The following SHISA9 variants were observed in gnomAD, a reference collection of about 807,000 sequenced individuals.
SHISA9 encodes shisa family member 9, also known as protein shisa-9.
Under a neutral mutation model 38.0 loss-of-function variants are expected in SHISA9, and 13 were observed. The ratio of observed to expected loss-of-function variants is 0.34; its 90% confidence interval spans 0.22 to 0.54. SHISA9 has a LOEUF of 0.54. Ranked by LOEUF, SHISA9 falls within the 20% of genes least tolerant of loss-of-function variation. SHISA9 has a pLI of 0.91. For missense variants in SHISA9, 538 were observed against 575.8 expected, an observed-to-expected ratio of 0.93 and a Z score of 0.67; for synonymous variants, 275 against 242.0, an observed-to-expected ratio of 1.14 and a Z score of -1.27.
intron 2 of SHISA9, among the ~76,000 whole-genome samples, chr16:13,008,986 T>C (rs1004212273): frequency 2.0e-5 from 3 of 152,066 alleles, no homozygotes; most frequent in African/African-American, 7.3e-5. Flanking sequence ...TTCCAAAGTC[T>C]TTGTCAATCA....
Position 13,053,205 on chromosome 16 carries a change from C to T in SHISA9, c.691+136390C>T, listed in dbSNP as rs376089935. 5.9e-5 allele frequency among the ~76,000 whole-genome samples: 9 copies of T among 152,096 alleles called. No homozygotes were observed. In the South Asian group the frequency reaches 6.2e-4, roughly 11 times the overall value. ...CTCGAACTTCTGACCTCCGGTGATC[C>T]GCCCACCTCGGCCTCCCAAAGTGCT... On this transcript the variant is annotated intron_variant, in intron 2 of 4. Coordinates refer to ENST00000558583, the MANE Select transcript of SHISA9 (RefSeq NM_001145204.3).
chr16:13,134,804 C>T (rs1320012907), intron 2 of SHISA9, among the ~76,000 whole-genome samples: 1 of 152,152 alleles, frequency 6.6e-6, no homozygotes, highest in African/African-American at 2.4e-5. Context: ...TCACATATGT[C>T]ATCGTCCAAT....
intron 2 of SHISA9, among the ~76,000 whole-genome samples, chr16:13,021,150 G>A (rs1461240323): frequency 6.6e-6 from 1 of 152,180 alleles, no homozygotes; most frequent in East Asian, 1.9e-4. Flanking sequence ...CGAAGCGATG[G>A]CTCTCAACCA....
chr16:13,098,319 G>A (rs1384650854), intron 2 of SHISA9, among the ~76,000 whole-genome samples: 2 of 152,178 alleles, frequency 1.3e-5, no homozygotes, highest in Admixed American at 6.5e-5. Context: ...GGGATTCACT[G>A]TGGCCTTTAT....
chr16:12,901,885 C>A lies in SHISA9; in HGVS notation c.-180C>A, dbSNP rs1446326412. ...AGGCGAACGCGGGCTGAGGCGAACG[C>A]GGGCTGAGCCGAGCGCAGTGGCCGC... On this transcript the variant is annotated 5_prime_UTR_variant, in exon 1 of 5. Transcript: ENST00000558583. 10 of 251,786 alleles carry A rather than the reference C, an allele frequency of 4.0e-5. No homozygotes were observed. Among genetic ancestry groups the A allele is most frequent in the Non-Finnish European group, 5.6e-5 (8 of 143,756 alleles). 15.6% of individuals were successfully genotyped at this position (251,786 alleles called of 1,614,324 possible).
At chr16:12,906,998 T>C (rs1336751635) in intron 1 of SHISA9, among the ~76,000 whole-genome samples, 1 of 152,142 alleles carries the variant, frequency 6.6e-6, no homozygotes, top group Non-Finnish European at 1.5e-5. Flanking sequence ...GCTCACACAC[T>C]CTTTCCATAT....
the SHISA9 span, among the ~76,000 whole-genome samples, chr16:13,319,513 CT>C: frequency 6.8e-4 from 104 of 152,156 alleles, 1 homozygote; most frequent in African/African-American, 2.4e-3. Context: ...CTCTTTCCCC[CT>C]GCTTGACATA....
intron 2 of SHISA9, among the ~76,000 whole-genome samples, chr16:13,061,673 A>G (rs1596619873): frequency 6.6e-6 from 1 of 152,168 alleles, no homozygotes; most frequent in Non-Finnish European, 1.5e-5. Context: ...TGCCCTCTGG[A>G]GCTTTGCAAT....
intron 2 of SHISA9, among the ~76,000 whole-genome samples, chr16:13,143,508 A>T (rs1024457738): frequency 6.6e-6 from 1 of 152,184 alleles, no homozygotes; most frequent in South Asian, 2.1e-4. Flanking sequence ...TGGGTCCCCT[A>T]TGGGAAGCTG....
At chr16:13,462,762 G>A in the SHISA9 span, among the ~76,000 whole-genome samples, 1 of 151,960 alleles carries the variant, frequency 6.6e-6, no homozygotes, top group Non-Finnish European at 1.5e-5. Flanking sequence ...AGAAGTTCGA[G>A]ACCAGCCTGG....
the SHISA9 span, among the ~76,000 whole-genome samples, chr16:13,426,686 C>T: frequency 6.6e-6 from 1 of 152,336 alleles, no homozygotes; most frequent in Middle Eastern, 3.4e-3. Context: ...ACATGGCTAA[C>T]TTAATAAAGC....
intron 2 of SHISA9, among the ~76,000 whole-genome samples, chr16:13,008,293 C>T (rs2072623101): frequency 6.6e-6 from 1 of 152,160 alleles, no homozygotes; most frequent in Non-Finnish European, 1.5e-5. Flanking sequence ...TTAATACACT[C>T]TTCCCCGACA....
At chr16:13,221,036 A>G (rs1468603001) in intron 4 of SHISA9, among the ~76,000 whole-genome samples, 1 of 150,846 alleles carries the variant, frequency 6.6e-6, no homozygotes, top group Non-Finnish European at 1.5e-5. Flanking sequence ...GGATTTTAGA[A>G]AAAAAAAAAA....
At chr16:13,485,205 C>T in the SHISA9 span, among the ~76,000 whole-genome samples, 3 of 152,044 alleles carry the variant, frequency 2.0e-5, no homozygotes, top group Non-Finnish European at 4.4e-5. Flanking sequence ...CCGCACCCCC[C>T]GACAGGCCCT....
intron 2 of SHISA9, among the ~76,000 whole-genome samples, chr16:13,120,486 A>G (rs2074075406): frequency 6.6e-6 from 1 of 152,342 alleles, no homozygotes; most frequent in Non-Finnish European, 1.5e-5. Context: ...TGTAGGGCGG[A>G]GAACGCTGGG....
intron 2 of SHISA9, among the ~76,000 whole-genome samples, chr16:13,065,355 C>G (rs1356704689): frequency 2.0e-5 from 3 of 152,128 alleles, no homozygotes; most frequent in Admixed American, 6.5e-5. Context: ...GCCTGGATAC[C>G]AGCTCAATGT....
At chr16:13,222,380 T>G (rs1181861041) in intron 4 of SHISA9, among the ~76,000 whole-genome samples, 2 of 152,190 alleles carry the variant, frequency 1.3e-5, no homozygotes, top group East Asian at 1.9e-4. Context: ...TACCATCTTG[T>G]CCTCATCTGC....
chr16:13,272,744 A>G, the SHISA9 span, among the ~76,000 whole-genome samples: 1 of 152,224 alleles, frequency 6.6e-6, no homozygotes, highest in African/African-American at 2.4e-5. Context: ...TGGCAGTTGG[A>G]AGATGTACAA....
the SHISA9 span, among the ~76,000 whole-genome samples, chr16:13,320,499 C>T: frequency 6.6e-6 from 1 of 151,998 alleles, no homozygotes; most frequent in Admixed American, 6.6e-5. Context: ...AGAAGATAAT[C>T]CATGCCATGT....
Sources: allele counts gnomAD v4.1 joint callset (sites outside exome capture counted in the v4.1 genomes callset), GRCh38; gene constraint gnomAD v4.1.1; transcripts MANE v1.5; gene names NCBI Gene and HGNC (gene_info 2026-07-23, HGNC 2026-07-21).